Variants in CATSPERD observed in about 807,000 individuals in gnomAD.
CATSPERD encodes cation channel sperm-associated auxiliary subunit delta.
In CATSPERD, 86 loss-of-function variants were observed where a neutral mutation model predicts 98.1. That is an observed-to-expected ratio of 0.88 (90% confidence interval 0.74 to 1.05). The LOEUF (loss-of-function observed/expected upper bound fraction) is 1.05, where lower values mean the gene tolerates loss of function less well. CATSPERD is among the 50% of genes least tolerant of loss of function. The probability of loss-of-function intolerance (pLI) is 0.00; values close to 1 mark genes in which losing one functional copy is unlikely to be tolerated. For synonymous variants in CATSPERD, 394 were observed against 390.2 expected, an observed-to-expected ratio of 1.01 and a Z score of -0.12; for missense variants, 995 against 1,005.7, an observed-to-expected ratio of 0.99 and a Z score of 0.14.
chr19:5,771,485 G>T (rs566159202), intron 19 of CATSPERD, among the ~76,000 whole-genome samples: 1 of 151,994 alleles, frequency 6.6e-6, no homozygotes, highest in South Asian at 2.1e-4. Context: ...TGATCCGCCT[G>T]CCTTGGCCTC....
intron 1 of CATSPERD, 112 bp downstream of exon 1, chr19:5,720,920 C>T: frequency 1.2e-6 from 1 of 832,746 alleles, no homozygotes; most frequent in Admixed American, 2.9e-5. Context: ...CCCTTTTACT[C>T]TTTTTAGGAA....
chr19:5,766,697 A>AT (rs113358889), intron 17 of CATSPERD, among the ~76,000 whole-genome samples: 192 of 145,932 alleles, frequency 1.3e-3, no homozygotes, highest in African/African-American at 4.3e-3. Flanking sequence ...TGATATCCAC[A>AT]TTTTTTTTTT....
At chr19:5,759,803 C>T (rs934514752) in intron 15 of CATSPERD, among the ~76,000 whole-genome samples, 40 of 151,906 alleles carry the variant, frequency 2.6e-4, no homozygotes, top group African/African-American at 8.2e-4. Flanking sequence ...GGGCCGGGCG[C>T]GGTGGCTCAC....
chr19:5,727,817 C>T (rs2055634287), intron 3 of CATSPERD, among the ~76,000 whole-genome samples: 1 of 152,020 alleles, frequency 6.6e-6, no homozygotes, highest in Non-Finnish European at 1.5e-5. Context: ...AGGATGCTTA[C>T]CCTCACCCTG....
intron 15 of CATSPERD, among the ~76,000 whole-genome samples, chr19:5,759,998 C>T (rs1406798707): frequency 1.4e-5 from 2 of 139,538 alleles, no homozygotes; most frequent in Non-Finnish European, 3.0e-5. Flanking sequence ...TGCTTGAACC[C>T]AGGAGGTGGA....
At chr19:5,757,982 CT>C in intron 14 of CATSPERD, 50 bp downstream of exon 14, 1 of 1,455,892 alleles carries the variant, frequency 6.9e-7, no homozygotes, top group Non-Finnish European at 9.5e-7. Flanking sequence ...GAGAGGCCCC[CT>C]CTTCCTCCTT....
At chr19:5,741,716 CA>C (rs1168673476) in intron 7 of CATSPERD, among the ~76,000 whole-genome samples, 1 of 139,678 alleles carries the variant, frequency 7.2e-6, no homozygotes, top group Non-Finnish European at 1.5e-5. Context: ...AGGTGGCCTT[CA>C]AATCAAATGA....
At chr19:5,737,466 C>T (rs964229418) in intron 6 of CATSPERD, among the ~76,000 whole-genome samples, 7 of 146,580 alleles carry the variant, frequency 4.8e-5, no homozygotes, top group Non-Finnish European at 3.0e-5. Flanking sequence ...AGGAGGATTG[C>T]TTGAGCCCAG....
intron 10 of CATSPERD, 66 bp from the exon 11 acceptor site, chr19:5,749,035 T>G: frequency 1.4e-6 from 2 of 1,395,492 alleles, no homozygotes; most frequent in Non-Finnish European, 2.0e-6. Flanking sequence ...CAACCACACT[T>G]ATGTTTTTGT....
In CATSPERD at chr19:5,769,895, T is replaced by C. The variant is rs745406679; in HGVS notation, c.1635-1049T>C. 8.5e-4 allele frequency among the ~76,000 whole-genome samples: 128 copies of C among 150,736 alleles called. 1 individual carries two copies. The Middle Eastern group carries it at 0.017, about 21-fold the overall frequency. On this transcript the variant is annotated intron_variant, in intron 18 of 21. Coordinates refer to ENST00000381624, the MANE Select transcript of CATSPERD (RefSeq NM_152784.4). ...CTTGAGGTCAGGAGTTTGAGAGCAG[T>C]CTGGCCAACATGGTGAAATCCCGTC...
chr19:5,722,372 C>T (rs1372437811), intron 1 of CATSPERD, among the ~76,000 whole-genome samples: 1 of 152,164 alleles, frequency 6.6e-6, no homozygotes, highest in African/African-American at 2.4e-5. Flanking sequence ...TCACTTGCCT[C>T]GGCCTCCCAA....
At chr19:5,734,563 G>C (rs1220933262) in intron 5 of CATSPERD, among the ~76,000 whole-genome samples, 1 of 152,022 alleles carries the variant, frequency 6.6e-6, no homozygotes, top group Non-Finnish European at 1.5e-5. Context: ...GCTTGAACCT[G>C]GGAGGTGGAG....
chr19:5,759,014 C>G, intron 14 of CATSPERD, 72 bp from the exon 15 acceptor site: 2 of 1,395,426 alleles, frequency 1.4e-6, no homozygotes, highest in Non-Finnish European at 2.0e-6. Context: ...CCCATCTCTC[C>G]CAATGTCCTG....
intron 9 of CATSPERD, 126 bp downstream of exon 9, chr19:5,746,189 G>A: frequency 1.0e-6 from 1 of 984,672 alleles, no homozygotes; most frequent in East Asian, 2.4e-5. Flanking sequence ...TCTCTTCCAT[G>A]TTCAGAGTGG....
intron 15 of CATSPERD, among the ~76,000 whole-genome samples, chr19:5,762,935 G>A (rs2056469895): frequency 6.6e-6 from 1 of 151,556 alleles, no homozygotes; most frequent in Non-Finnish European, 1.5e-5. Flanking sequence ...ATAGATGGAT[G>A]GATGAATAAG....
At chr19:5,738,352 CAAAAAAAAAAAAAAAAAAG>C (rs1372261233) in intron 6 of CATSPERD, among the ~76,000 whole-genome samples, 1 of 104,954 alleles carries the variant, frequency 9.5e-6, no homozygotes, top group East Asian at 3.5e-4. Context: ...ACTCAAAATA[CAAAAAAAAAAAAAAAAAAG>C]AAAAGAAAAA....
At chr19:5,733,645 C>T (rs1326327999) in intron 4 of CATSPERD, among the ~76,000 whole-genome samples, 1 of 151,858 alleles carries the variant, frequency 6.6e-6, no homozygotes, top group African/African-American at 2.4e-5. Context: ...TTAGTAGAGA[C>T]GGGGTTTCAC....
At chr19:5,748,623 CAAA>C (rs1179884868) in intron 10 of CATSPERD, among the ~76,000 whole-genome samples, 3 of 50,460 alleles carry the variant, frequency 5.9e-5, no homozygotes, top group Non-Finnish European at 8.1e-5. Context: ...AGTGAGACTC[CAAA>C]AAAAAAAAAA....
Position 5,729,852 on chromosome 19 carries a change from T to C in CATSPERD, c.204-20T>C. On this transcript the variant is annotated intron_variant, in intron 3 of 21. Coordinates refer to ENST00000381624, the MANE Select transcript of CATSPERD (RefSeq NM_152784.4). Reference sequence around the variant, plus strand: ...TTGTGTGACATTATCCTAATTTAACTTATTTATTGTTTATTTCAGGAAACA... The same window carrying C: ...TTGTGTGACATTATCCTAATTTAACCTATTTATTGTTTATTTCAGGAAACA... 1 of 1,446,122 alleles carries C rather than the reference T, an allele frequency of 6.9e-7. No homozygotes were observed. The allele number at this position is 1,446,122 out of a possible 1,614,324, so 89.6% of individuals were successfully genotyped here.
Sources: gnomAD v4.1 joint callset for allele counts (sites outside exome capture counted in the v4.1 genomes callset) on GRCh38, gnomAD v4.1.1 for gene constraint, MANE v1.5 for transcripts, NCBI Gene and HGNC (gene_info 2026-07-23, HGNC 2026-07-21) for gene names.